The following APOL4 variants were observed in gnomAD, a reference collection of about 807,000 sequenced individuals.
APOL4 encodes apolipoprotein L, 4.
APOL4 carries 14 observed loss-of-function variants against 12.1 expected under a neutral mutation model. The ratio of observed to expected loss-of-function variants is 1.16; its 90% CI spans 0.76 to 1.81. The LOEUF (loss-of-function observed/expected upper bound fraction) is 1.81. APOL4 is among the 40% of genes most tolerant of loss of function. The probability of loss-of-function intolerance (pLI) is 0.00; values close to 1 mark genes in which losing one functional copy is unlikely to be tolerated. For synonymous variants in APOL4, 171 were observed against 160.6 expected (o/e 1.06, Z -0.49); for missense variants, 432 against 423.1 (o/e 1.02, Z -0.18).
upstream of APOL4, chr22:36,202,135 T>C: frequency 6.3e-7 from 1 of 1,596,814 alleles, no homozygotes; most frequent in Non-Finnish European, 8.6e-7. Context: ...AATAAACCGT[T>C]TTGCTGTGTC....
intron 2 of APOL4, among the ~76,000 whole-genome samples, chr22:36,195,922 C>T (rs1480150384): frequency 2.6e-5 from 4 of 152,188 alleles, no homozygotes; most frequent in Non-Finnish European, 2.9e-5. Context: ...CCTTGGACTT[C>T]TTGCCTCTAG....
At chr22:36,197,963 A>G (rs2014462633) in intron 2 of APOL4, 1 of 1,351,850 alleles carries the variant, frequency 7.4e-7, no homozygotes. Flanking sequence ...CAGAAGTTCC[A>G]TGCTTGCAAC....
At chr22:36,200,369 C>G (rs139055845) in intron 1 of APOL4, among the ~76,000 whole-genome samples, 1 of 152,230 alleles carries the variant, frequency 6.6e-6, no homozygotes, top group Non-Finnish European at 1.5e-5. Flanking sequence ...TCTCACACTC[C>G]GTGCTCAACT....
chr22:36,194,488 C>T lies in APOL4; in HGVS notation c.209+823G>A, dbSNP rs149396533. Among the ~76,000 whole-genome samples, 794 of 152,348 alleles carry T rather than the reference C, an allele frequency of 5.2e-3. 4 individuals carry two copies. The highest frequency in any genetic ancestry group is 0.014 in the Middle Eastern group (4 of 294). ...GTCCACCCCTGCCCCATCCTGACCC[C>T]TGGCTCTGCCCCTGGCAATGTCTCT... is the stretch of plus-strand genomic sequence containing the variant. On this transcript the variant is annotated intron_variant, in intron 3 of 3. Transcript: ENST00000683024.
At position 36,191,213 on chromosome 22, in the gene APOL4, G is replaced by A. The variant is rs1320375047; in HGVS notation, c.909C>T (p.Val303=). 3.7e-6 allele frequency: 6 copies of A among 1,613,966 alleles called. No individual in the cohort carries two copies. In the East Asian group the frequency reaches 1.3e-4, roughly 36 times the overall value. The part of the protein sequence containing the change: ...TSGVLVVLDV[V]NLVQDSLDLH... ...AGTCCAGTGAGTCTTGCACAAGGTT[G>A]ACTACATCCAGCACAACAAGGACAC... The change falls in exon 4 of 4, where the codon GTC becomes GTT. Residue 303 remains valine, a synonymous_variant. Coordinates refer to ENST00000683024, the MANE Select transcript of APOL4 (RefSeq NM_001386885.1).
rs776032259 is a variant in APOL4 at position 36,201,641 on chromosome 22, G to GACA, written c.35+58_35+59insTGT. On this transcript the variant is annotated intron_variant, in intron 1 of 3. Transcript: ENST00000683024. The stretch of plus-strand genomic sequence containing the variant: ...CTCAACACCATGAGCCAGTAGAACT[G>GACA]GGAGGACCAGGAGAGAGCAGAGGAG... The GACA allele has an allele frequency of 0.025, 16,841 of 684,676 alleles. 5,072 individuals are homozygous for GACA. In the East Asian group the frequency reaches 0.62, roughly 25 times the overall value. 42.4% of individuals were successfully genotyped at this position (684,676 alleles called of 1,614,324 possible).
rs751297485 is a variant in APOL4, at chr22:36,199,318, T to C, written c.82+12A>G. On this transcript the variant is annotated intron_variant, in intron 2 of 3. Coordinates refer to ENST00000683024, the MANE Select transcript of APOL4 (RefSeq NM_001386885.1). ...GCGAGCCTACCAGCAGCCAGGTCTC[T>C]GAAAGGCTTACCTTGGAACTGTCCA... 6.2e-7 allele frequency: 1 copy of C among 1,614,154 alleles called. No individual in the cohort carries two copies. Among genetic ancestry groups the C allele is most frequent in the South Asian group, 1.1e-5 (1 of 91,092 alleles).
Position 36,191,715 on chromosome 22 carries a change from C to G in APOL4, c.407G>C (p.Gly136Ala). ...AGACACCACATTGGCGATGACGCAG[C>G]CTCTGTGGACCTTTTCAATCTCATT... ...IANEIEKVHRGCVIANVVSGS... is the reference protein window; with the variant it reads ...IANEIEKVHRACVIANVVSGS... Residue 136 changes from glycine to alanine, a missense_variant, in exon 4 of 4, where the codon GGC becomes GCC. Transcript: ENST00000683024. 1 of 1,614,068 alleles carries G rather than the reference C, an allele frequency of 6.2e-7. No homozygotes were observed. Among genetic ancestry groups the G allele is most frequent in the South Asian group, 1.1e-5 (1 of 91,088 alleles).
Position 36,195,386 on chromosome 22 carries a change from C to T in APOL4, c.134G>A (p.Ser45Asn). 1 of 1,613,740 alleles carries T rather than the reference C, an allele frequency of 6.2e-7. No individual in the cohort carries two copies. The highest frequency in any genetic ancestry group is 8.5e-7 in the Non-Finnish European group (1 of 1,179,800). ...CAGCAGGATTTTCAGATGCACTGGG[C>T]TAACTTTCTTCTGGAAGTATTCAAT... is the stretch of plus-strand genomic sequence containing the variant. ...EVIEYFQKKVSPVHLKILLTS... is the reference protein window; with the variant it reads ...EVIEYFQKKVNPVHLKILLTS... The change falls in exon 3 of 4, where the codon AGC (serine) becomes AAC (asparagine). Residue 45 changes from serine to asparagine, a missense_variant. Physicochemically the swap from Ser to Asn is conservative, Grantham distance 46 (BLOSUM62 1). Transcript: ENST00000683024.
intron 3 of APOL4, among the ~76,000 whole-genome samples, chr22:36,194,276 G>C (rs1479641823): frequency 6.6e-6 from 1 of 152,118 alleles, no homozygotes; most frequent in East Asian, 1.9e-4. Flanking sequence ...CGGGGAAACA[G>C]TCACCCATGG....
At chr22:36,192,641 T>A (rs772919827) in intron 3 of APOL4, among the ~76,000 whole-genome samples, 7 of 152,128 alleles carry the variant, frequency 4.6e-5, no homozygotes, top group Non-Finnish European at 8.8e-5. Flanking sequence ...AGAGAGCATA[T>A]CCCTTTGTCC....
At chr22:36,203,735 T>A (rs529626468), upstream of APOL4, among the ~76,000 whole-genome samples, 1 of 152,186 alleles carries the variant, frequency 6.6e-6, no homozygotes, top group Non-Finnish European at 1.5e-5. Flanking sequence ...CTTGTCCATA[T>A]GGACAGGCGC....
upstream of APOL4, chr22:36,202,190 T>G: frequency 3.3e-6 from 4 of 1,206,988 alleles, no homozygotes; most frequent in Non-Finnish European, 4.8e-6. Flanking sequence ...CATTGCTGCC[T>G]AGATCTGCTG....
intron 3 of APOL4, chr22:36,194,946 G>A (rs2014361506): frequency 6.3e-6 from 1 of 159,374 alleles, no homozygotes; most frequent in Non-Finnish European, 1.4e-5. Flanking sequence ...CGCTAACTGA[G>A]CACCTACTGT....
At position 36,195,423 on chromosome 22, in the gene APOL4, T is replaced by C. The variant is rs2014376510; in HGVS notation, c.97A>G (p.Thr33Ala). Residue 33 changes from threonine to alanine, a missense_variant, in exon 3 of 4, where the codon ACT becomes GCT. Coordinates refer to ENST00000683024, the MANE Select transcript of APOL4 (RefSeq NM_001386885.1). Reference protein sequence around the residue: ...AGQFQEKKRFTEEVIEYFQKK... With the variant: ...AGQFQEKKRFAEEVIEYFQKK... ...TGGAAGTATTCAATGACTTCTTCAG[T>C]GAAGCGTTTCTTTTCTAGTTGGAAA... The C allele has an allele frequency of 3.7e-6, 6 of 1,612,798 alleles. No individual in the cohort carries two copies. Among genetic ancestry groups the C allele is most frequent in the Non-Finnish European group, 5.1e-6 (6 of 1,179,446 alleles).
At position 36,192,715 on chromosome 22, in the gene APOL4, T is replaced by A. The variant is rs6000175; in HGVS notation, c.210-803A>T. On this transcript the variant is annotated intron_variant, in intron 3 of 3. Transcript: ENST00000683024. ...CCTGCCTGGTAGGAACGTCTTTGTT[T>A]CCCTGGTGGTTTGGCTACAGGCCAG... Among the ~76,000 whole-genome samples, 584 of 152,300 alleles carry A rather than the reference T, an allele frequency of 3.8e-3. 6 individuals are homozygous for A. Among genetic ancestry groups the A allele is most frequent in the African/African-American group, 0.014 (563 of 41,560 alleles).
chr22:36,192,624 T>A (rs2014291820), intron 3 of APOL4, among the ~76,000 whole-genome samples: 1 of 152,138 alleles, frequency 6.6e-6, no homozygotes, highest in Non-Finnish European at 1.5e-5. Context: ...GAATTAACTT[T>A]ATTAGAAGAG....
chr22:36,190,805 A>G lies in APOL4; in HGVS notation c.*270T>C, dbSNP rs962280588. 4.6e-6 allele frequency: 2 copies of G among 435,378 alleles called. No homozygotes were observed. Among genetic ancestry groups the G allele is most frequent in the South Asian group, 5.1e-5 (2 of 39,578 alleles). The allele number at this position is 435,378 out of a possible 1,614,324, so 27.0% of individuals were successfully genotyped here. ...AATTATCACATGGTCCTGAGGTGAC[A>G]TACATCCTCCTCAGCTGACAGGATT... On this transcript the variant is annotated 3_prime_UTR_variant, in exon 4 of 4. Transcript: ENST00000683024.
chr22:36,197,588 C>T (rs1021085030), intron 2 of APOL4: 8 of 1,477,344 alleles, frequency 5.4e-6, no homozygotes, highest in South Asian at 1.4e-5. Context: ...TGTAACCCCC[C>T]ATGAAACTGC....
Sources: gnomAD v4.1 joint callset for allele counts (sites outside exome capture counted in the v4.1 genomes callset) on GRCh38, gnomAD v4.1.1 for gene constraint, MANE v1.5 for transcripts, NCBI Gene and HGNC (gene_info 2026-07-23, HGNC 2026-07-21) for gene names.